Variants in LRRC4C observed in about 807,000 individuals in gnomAD.
LRRC4C encodes leucine-rich repeat-containing protein 4C.
A neutral mutation model predicts 33.6 loss-of-function variants in LRRC4C; 5 were observed. That is an observed-to-expected ratio of 0.15 (90% CI 0.08 to 0.31). LRRC4C has a LOEUF of 0.31. Among genes scored for constraint, LRRC4C ranks in the 10% least tolerant of loss-of-function variants. The pLI is 1.00. For missense variants in LRRC4C, 560 were observed against 796.7 expected (o/e 0.70, Z 3.58); for synonymous variants, 329 against 302.0 (o/e 1.09, Z -0.93).
At chr11:40,128,457 G>A (rs1442333803) in intron 6 of LRRC4C, among the ~76,000 whole-genome samples, 1 of 152,086 alleles carries the variant, frequency 6.6e-6, no homozygotes, top group African/African-American at 2.4e-5. Flanking sequence ...TAAACACACT[G>A]CCATCAATTT....
intron 3 of LRRC4C, among the ~76,000 whole-genome samples, chr11:40,481,913 C>G (rs896783373): frequency 6.6e-6 from 1 of 152,084 alleles, no homozygotes; most frequent in African/African-American, 2.4e-5. Context: ...CGGCAAACAT[C>G]AGTTTCATCA....
At chr11:40,610,701 A>C (rs1383559998) in intron 3 of LRRC4C, among the ~76,000 whole-genome samples, 1 of 151,932 alleles carries the variant, frequency 6.6e-6, no homozygotes, top group Non-Finnish European at 1.5e-5. Flanking sequence ...TCAACATATA[A>C]AAATCGGTTG....
At chr11:40,836,592 T>C (rs1952678516) in intron 2 of LRRC4C, among the ~76,000 whole-genome samples, 1 of 152,142 alleles carries the variant, frequency 6.6e-6, no homozygotes, top group Non-Finnish European at 1.5e-5. Flanking sequence ...TATTTTATAA[T>C]ATAACTCTCA....
intron 2 of LRRC4C, among the ~76,000 whole-genome samples, chr11:40,910,436 T>C (rs1381303677): frequency 6.6e-6 from 1 of 152,188 alleles, no homozygotes; most frequent in Admixed American, 6.5e-5. Context: ...ACATATGCAA[T>C]GCAGCAATTT....
intron 1 of LRRC4C, among the ~76,000 whole-genome samples, chr11:41,429,329 T>G (rs1955154123): frequency 6.6e-6 from 1 of 152,176 alleles, no homozygotes; most frequent in Non-Finnish European, 1.5e-5. Context: ...TGGGTATGTC[T>G]TTATTAGCAG....
rs151073944 is a variant in LRRC4C, at chr11:41,166,903, A to C, written c.-495-233180T>G. Among the ~76,000 whole-genome samples the C allele has an allele frequency of 4.7e-3, 711 of 152,288 alleles. 4 individuals carry two copies. Among genetic ancestry groups the C allele is most frequent in the African/African-American group, 0.016 (666 of 41,572 alleles). ...TCTCTAACAATGGCATGTGATGACTAGTACTAACACAACCCCTCTCCCCCA... is the reference window on the plus strand; with the variant it reads ...TCTCTAACAATGGCATGTGATGACTCGTACTAACACAACCCCTCTCCCCCA... On this transcript the variant is annotated intron_variant, in intron 1 of 6. Transcript: ENST00000528697.
At chr11:41,002,504 C>T (rs768565573) in intron 1 of LRRC4C, among the ~76,000 whole-genome samples, 3 of 152,100 alleles carry the variant, frequency 2.0e-5, no homozygotes, top group Non-Finnish European at 2.9e-5. Context: ...ATCATATGTC[C>T]CACACTTGTA....
chr11:41,220,302 G>C (rs1312539804), intron 1 of LRRC4C, among the ~76,000 whole-genome samples: 3 of 152,080 alleles, frequency 2.0e-5, no homozygotes, highest in African/African-American at 4.8e-5. Context: ...ATAAGAATAA[G>C]AAGGAAGTTT....
intron 3 of LRRC4C, among the ~76,000 whole-genome samples, chr11:40,460,146 G>T (rs1440116): frequency 0.99 from 150,962 of 152,200 alleles, 74,886 homozygotes; most frequent in Middle Eastern, 1. Context: ...AGGTGATTAG[G>T]GGTCTCACTG....
intron 3 of LRRC4C, among the ~76,000 whole-genome samples, chr11:40,554,713 G>GCTA (rs1421790998): frequency 6.8e-6 from 1 of 148,148 alleles, no homozygotes; most frequent in East Asian, 2.0e-4. Context: ...TTTGTGTATG[G>GCTA]CTACTGTAAA....
intron 1 of LRRC4C, among the ~76,000 whole-genome samples, chr11:41,287,358 C>T (rs1220418386): frequency 6.6e-6 from 1 of 152,148 alleles, no homozygotes; most frequent in Non-Finnish European, 1.5e-5. Flanking sequence ...GGAAGGGTTT[C>T]TTACTCTAAC....
At position 40,585,872 on chromosome 11, in the gene LRRC4C, T is replaced by C. The variant is rs368827183; in HGVS notation, c.-270+62270A>G. 3.4e-4 allele frequency among the ~76,000 whole-genome samples: 46 copies of C among 136,100 alleles called. 3 individuals carry two copies. Among genetic ancestry groups the C allele is most frequent in the Non-Finnish European group, 6.3e-4 (39 of 61,620 alleles). The allele number at this position is 136,100 out of a possible 152,430, so 89.3% of individuals were successfully genotyped here. A position where few individuals can be genotyped will look rare whatever the true frequency, so the allele number is the denominator to read the frequency against. On this transcript the variant is annotated intron_variant, in intron 3 of 6. Transcript: ENST00000528697. ...CAAATTTTCTTAATCCAGTCTATCA[T>C]TGTTGGACATTTGGGTTGGTTCCAA... is the stretch of plus-strand genomic sequence containing the variant.
intron 1 of LRRC4C, among the ~76,000 whole-genome samples, chr11:41,316,526 G>A (rs1419982131): frequency 6.6e-6 from 1 of 152,048 alleles, no homozygotes; most frequent in Non-Finnish European, 1.5e-5. Context: ...GAATCAAAAA[G>A]TTTATTTTAA....
chr11:40,823,540 T>G (rs1306910766), intron 2 of LRRC4C, among the ~76,000 whole-genome samples: 1 of 151,826 alleles, frequency 6.6e-6, no homozygotes, highest in Non-Finnish European at 1.5e-5. Flanking sequence ...TCACCAAATA[T>G]TTTGAATAGA....
intron 2 of LRRC4C, among the ~76,000 whole-genome samples, chr11:40,887,270 A>G (rs1011556265): frequency 1.3e-5 from 2 of 152,052 alleles, no homozygotes; most frequent in Admixed American, 6.6e-5. Context: ...GGTATAGACA[A>G]TGATCATCAG....
chr11:40,698,229 T>C (rs1400465177), intron 2 of LRRC4C, among the ~76,000 whole-genome samples: 1 of 152,150 alleles, frequency 6.6e-6, no homozygotes, highest in Non-Finnish European at 1.5e-5. Flanking sequence ...AAATGACCCC[T>C]TTGCCTTACT....
intron 5 of LRRC4C, among the ~76,000 whole-genome samples, chr11:40,190,663 C>T (rs1470086997): frequency 6.6e-6 from 1 of 152,030 alleles, no homozygotes; most frequent in South Asian, 2.1e-4. Context: ...AGAAATGGGG[C>T]TGGGGGGGAT....
intron 1 of LRRC4C, among the ~76,000 whole-genome samples, chr11:41,059,210 G>GTTTTTTTTGT (rs1555056809): frequency 1.6e-5 from 2 of 125,196 alleles, no homozygotes; most frequent in Non-Finnish European, 3.2e-5. Context: ...TAAAATAAAA[G>GTTTTTTTTGT]TTTTTTTTTT....
chr11:41,191,058 C>A (rs1367928483), intron 1 of LRRC4C, among the ~76,000 whole-genome samples: 2 of 152,086 alleles, frequency 1.3e-5, no homozygotes, highest in African/African-American at 4.8e-5. Context: ...TCTTTTCTCC[C>A]AGCTATTTTC....
Sources: gnomAD v4.1 joint callset for allele counts (sites outside exome capture counted in the v4.1 genomes callset) on GRCh38, gnomAD v4.1.1 for gene constraint, MANE v1.5 for transcripts, NCBI Gene and HGNC (gene_info 2026-07-23, HGNC 2026-07-21) for gene names.